CHRNA7: variants seen among roughly 807,000 people sequenced by gnomAD.
CHRNA7 encodes cholinergic receptor nicotinic alpha 7 subunit.
CHRNA7 carries 17 observed loss-of-function variants against 48.0 expected under a neutral mutation model. The observed-to-expected ratio is 0.35, with a 90% CI of 0.24 to 0.53. The LOEUF is 0.53. Ranked by LOEUF, CHRNA7 falls within the 20% of genes least tolerant of loss-of-function variation. The pLI is 0.92. For synonymous variants in CHRNA7, 75 were observed against 242.3 expected (o/e 0.31, Z 6.41); for missense variants, 155 against 577.7 (o/e 0.27, Z 7.50).
chr15:32,102,497 CAAG>C (rs1399616344), intron 3 of CHRNA7: 1 of 152,132 alleles, frequency 6.6e-6, no homozygotes, highest in Non-Finnish European at 1.5e-5. Flanking sequence ...AATATTTACA[CAAG>C]AATTATTCCT....
At chr15:32,089,183 A>G (rs186054165) in intron 2 of CHRNA7, among the ~76,000 whole-genome samples, 35 of 152,250 alleles carry the variant, frequency 2.3e-4, no homozygotes, top group Admixed American at 7.2e-4. Context: ...GTGTCTGTCA[A>G]TGGTGTTGGG....
At chr15:32,031,075 T>G (rs199509689) in intron 2 of CHRNA7, 38 bp downstream of exon 2, 1 of 1,611,254 alleles carries the variant, frequency 6.2e-7, no homozygotes, top group Non-Finnish European at 8.5e-7. Flanking sequence ...CCTCTCCCCT[T>G]CCTGGGCTCC....
intron 4 of CHRNA7, among the ~76,000 whole-genome samples, chr15:32,145,582 C>T (rs138829650): frequency 2.4e-3 from 358 of 152,292 alleles, no homozygotes; most frequent in African/African-American, 8.3e-3. Context: ...CCACTCAGTT[C>T]GAGCTTCCTG....
Position 32,101,334 on chromosome 15 carries a change from T to C in CHRNA7, c.227T>C (p.Ile76Thr), listed in dbSNP as rs1178636837. Residue 76 changes from isoleucine to threonine, a missense_variant, in exon 3 of 10, where the codon ATT (isoleucine) becomes ACT (threonine). Physicochemically the swap from Ile to Thr is moderately conservative, Grantham distance 89. Transcript: ENST00000306901. Reference protein sequence around the residue: ...DEKNQVLTTNIWLQMSWTDHY... With the variant: ...DEKNQVLTTNTWLQMSWTDHY... ...AAGAACCAAGTTTTAACCACCAACA[T>C]TTGGCTGCAAATGGTAAGTTAAGAG... 6.3e-7 allele frequency: 1 copy of C among 1,589,498 alleles called. No homozygotes were observed. The highest frequency in any genetic ancestry group is 1.2e-5 in the South Asian group (1 of 85,318).
intron 2 of CHRNA7, among the ~76,000 whole-genome samples, chr15:32,042,598 G>C (rs1392604952): frequency 6.6e-6 from 1 of 152,140 alleles, no homozygotes; most frequent in Non-Finnish European, 1.5e-5. Context: ...CCAGGAATTT[G>C]CCAATTCCAG....
At chr15:32,060,033 G>A (rs997865746) in intron 2 of CHRNA7, among the ~76,000 whole-genome samples, 1 of 146,732 alleles carries the variant, frequency 6.8e-6, no homozygotes, top group Non-Finnish European at 1.5e-5. Context: ...TGAAAGAATT[G>A]CTGGAATAAT....
chr15:32,046,215 C>T lies in CHRNA7; in HGVS notation c.195+15178C>T, dbSNP rs1045822661. 1.6e-3 allele frequency among the ~76,000 whole-genome samples: 244 copies of T among 151,274 alleles called. 2 individuals carry two copies. The Middle Eastern group carries it at 0.02, about 13-fold the overall frequency. On this transcript the variant is annotated intron_variant, in intron 2 of 9. Transcript: ENST00000306901. ...GGGATGGCTGGGTCAAATGGTATTT[C>T]TAGTTCTAGATCCCTGAGGAATCGC... is the stretch of plus-strand genomic sequence containing the variant.
intron 2 of CHRNA7, among the ~76,000 whole-genome samples, chr15:32,051,439 A>G (rs2049675772): frequency 6.6e-6 from 1 of 152,184 alleles, no homozygotes; most frequent in South Asian, 2.1e-4. Flanking sequence ...CCATGGGCGT[A>G]GGACCCTCCG....
intron 2 of CHRNA7, among the ~76,000 whole-genome samples, chr15:32,084,741 A>G (rs968359852): frequency 2.0e-5 from 3 of 152,106 alleles, no homozygotes; most frequent in African/African-American, 7.2e-5. Flanking sequence ...CTGACTGCTC[A>G]TGCTAGTGCA....
intron 2 of CHRNA7, among the ~76,000 whole-genome samples, chr15:32,083,521 T>C (rs889958836): frequency 7.9e-5 from 12 of 152,218 alleles, no homozygotes; most frequent in Admixed American, 6.5e-5. Flanking sequence ...TTCTAGGTTA[T>C]AATAAATGTA....
rs919489352 is a variant in CHRNA7, at chr15:32,041,262, A to C, written c.195+10225A>C. 2.6e-5 allele frequency among the ~76,000 whole-genome samples: 4 copies of C among 152,154 alleles called. No homozygotes were observed. The South Asian group carries it at 6.2e-4, about 24-fold the overall frequency. On this transcript the variant is annotated intron_variant, in intron 2 of 9. Transcript: ENST00000306901. The stretch of plus-strand genomic sequence containing the variant: ...ATACTTCTGTTCCTTTCTCTACTTC[A>C]ACAGTCCCCAACCTTTTTGACACCA...
intron 4 of CHRNA7, among the ~76,000 whole-genome samples, chr15:32,132,635 T>C (rs971079603): frequency 6.6e-6 from 1 of 152,118 alleles, no homozygotes; most frequent in Non-Finnish European, 1.5e-5. Flanking sequence ...TTCCTTCTCA[T>C]TGTGTCCTTA....
chr15:32,145,393 G>A (rs1325001908), intron 4 of CHRNA7, among the ~76,000 whole-genome samples: 1 of 152,178 alleles, frequency 6.6e-6, no homozygotes, highest in Non-Finnish European at 1.5e-5. Context: ...ACTTGAGGAG[G>A]CAGTCTATCC....
At chr15:32,120,365 G>A (rs912468811) in intron 4 of CHRNA7, among the ~76,000 whole-genome samples, 7 of 152,172 alleles carry the variant, frequency 4.6e-5, no homozygotes, top group Non-Finnish European at 1.0e-4. Flanking sequence ...GCCAGGCTCA[G>A]CCTTCCACTT....
chr15:32,119,430 G>A (rs1379422079), intron 4 of CHRNA7, among the ~76,000 whole-genome samples: 1 of 152,190 alleles, frequency 6.6e-6, no homozygotes, highest in Non-Finnish European at 1.5e-5. Context: ...ATGCTATCCA[G>A]GTCTGTCCTA....
Position 32,124,291 on chromosome 15 carries a change from C to A in CHRNA7, c.350+12392C>A, listed in dbSNP as rs565602739. 2.1e-4 allele frequency among the ~76,000 whole-genome samples: 32 copies of A among 152,042 alleles called. 1 individual carries two copies. The highest frequency in any genetic ancestry group is 3.7e-4 in the Non-Finnish European group (25 of 67,978). ...GAAAGACAAAATACGTAAAAAGGGACAAAATGAATATTTTATATTGATTAA... is the reference window on the plus strand; with the variant it reads ...GAAAGACAAAATACGTAAAAAGGGAAAAAATGAATATTTTATATTGATTAA... On this transcript the variant is annotated intron_variant, in intron 4 of 9. Coordinates refer to ENST00000306901, the MANE Select transcript of CHRNA7 (RefSeq NM_000746.6).
chr15:32,129,868 C>T (rs2051126758), intron 4 of CHRNA7, among the ~76,000 whole-genome samples: 1 of 151,856 alleles, frequency 6.6e-6, no homozygotes, highest in Non-Finnish European at 1.5e-5. Flanking sequence ...TTATTCTTAG[C>T]ACTACCAGCA....
chr15:32,039,413 T>C (rs780403769), intron 2 of CHRNA7, among the ~76,000 whole-genome samples: 1 of 152,192 alleles, frequency 6.6e-6, no homozygotes, highest in Non-Finnish European at 1.5e-5. Context: ...AGATTTTCGC[T>C]TAAGGACTTC....
At chr15:32,044,326 G>A (rs1447594902) in intron 2 of CHRNA7, among the ~76,000 whole-genome samples, 1 of 150,082 alleles carries the variant, frequency 6.7e-6, no homozygotes, top group Non-Finnish European at 1.5e-5. Flanking sequence ...TGCCCAGGTT[G>A]GAGTGCAATG....
Sources: gnomAD v4.1 joint callset for allele counts (sites outside exome capture counted in the v4.1 genomes callset) on GRCh38, gnomAD v4.1.1 for gene constraint, MANE v1.5 for transcripts, NCBI Gene and HGNC (gene_info 2026-07-23, HGNC 2026-07-21) for gene names.